The following PRKCB variants were observed in gnomAD, a reference collection of about 807,000 sequenced individuals.
PRKCB encodes the protein protein kinase C beta.
Under a neutral mutation model 81.5 loss-of-function variants are expected in PRKCB, and 13 were observed. The observed-to-expected ratio is 0.16, with a 90% CI of 0.10 to 0.25. PRKCB has a LOEUF of 0.25. Among genes scored for constraint, PRKCB ranks in the 10% least tolerant of loss-of-function variants. The pLI is 1.00. For missense variants in PRKCB, 509 were observed against 875.7 expected (o/e 0.58, Z 5.29); for synonymous variants, 335 against 321.4 (o/e 1.04, Z -0.45).
chr16:24,211,959 C>A (rs1367241851), intron 16 of PRKCB, among the ~76,000 whole-genome samples: 1 of 152,172 alleles, frequency 6.6e-6, no homozygotes, highest in Non-Finnish European at 1.5e-5. Flanking sequence ...CTTCCCTCAA[C>A]AAAAAGGCTT....
At chr16:24,056,297 C>A (rs1322533184) in intron 5 of PRKCB, among the ~76,000 whole-genome samples, 1 of 152,216 alleles carries the variant, frequency 6.6e-6, no homozygotes, top group African/African-American at 2.4e-5. Context: ...CTGCCTGTCA[C>A]TAGTTCAAGA....
intron 2 of PRKCB, among the ~76,000 whole-genome samples, chr16:23,908,705 T>A (rs1963604686): frequency 6.7e-6 from 1 of 149,490 alleles, no homozygotes; most frequent in South Asian, 2.1e-4. Context: ...TTTTTTTTTG[T>A]ATTTTTAGTA....
At chr16:24,187,239 G>T (rs1967716845) in intron 15 of PRKCB, among the ~76,000 whole-genome samples, 1 of 152,222 alleles carries the variant, frequency 6.6e-6, no homozygotes, top group Non-Finnish European at 1.5e-5. Context: ...CAGCTGGATT[G>T]GAAACCATGG....
At chr16:24,210,275 G>A (rs1322954849) in intron 16 of PRKCB, among the ~76,000 whole-genome samples, 1 of 152,090 alleles carries the variant, frequency 6.6e-6, no homozygotes, top group African/African-American at 2.4e-5. Context: ...TGGCCCCTTG[G>A]TCACTCTGCT....
Position 24,092,700 on chromosome 16 carries a change from A to C in PRKCB, c.530-91A>C, listed in dbSNP as rs963581334. On this transcript the variant is annotated intron_variant, in intron 5 of 16. Transcript: ENST00000643927. ...TTTCTCACTAAACAAGTGTGATGCC[A>C]AAGAACCTTCCACAAGTTCTGCAGC... 2.3e-6 allele frequency: 3 copies of C among 1,302,358 alleles called. No individual in the cohort carries two copies. The African/African-American group carries it at 4.4e-5, about 19-fold the overall frequency. 80.7% of individuals were successfully genotyped at this position (1,302,358 alleles called of 1,614,324 possible).
At position 23,861,880 on chromosome 16, in the gene PRKCB, C is replaced by T. The variant is rs116795551; in HGVS notation, c.205+24474C>T. ...TTCACTAATCTTGATATAGCTCTAT[C>T]TCTTGAAATTTTGTTTTGTTAGATA... On this transcript the variant is annotated intron_variant, in intron 2 of 16. Transcript: ENST00000643927. 3.9e-3 allele frequency among the ~76,000 whole-genome samples: 595 copies of T among 152,286 alleles called. 4 individuals are homozygous for T. The highest frequency in any genetic ancestry group is 0.013 in the African/African-American group (545 of 41,544).
rs148852409 is a variant in PRKCB, at chr16:23,942,341, T to C, written c.206-46167T>C. On this transcript the variant is annotated intron_variant, in intron 2 of 16. Coordinates refer to ENST00000643927, the MANE Select transcript of PRKCB (RefSeq NM_002738.7). ...TTGGCATGCCAGATCCCCATGGCGT[T>C]GGAGCATACCAAAGTGATAGAGCGT... Among the ~76,000 whole-genome samples the C allele has an allele frequency of 2.0e-5, 3 of 152,356 alleles. No individual in the cohort carries two copies. In the East Asian group the frequency reaches 5.8e-4, roughly 29 times the overall value.
chr16:24,158,535 TGTATAA>T (rs58523666), intron 10 of PRKCB, among the ~76,000 whole-genome samples: 9,931 of 61,538 alleles, frequency 0.16, 416 homozygotes, highest in Middle Eastern at 0.19. Context: ...AACATGTATA[TGTATAA>T]GTATATGTAT....
chr16:23,911,025 A>G (rs753512028), intron 2 of PRKCB, among the ~76,000 whole-genome samples: 1 of 149,644 alleles, frequency 6.7e-6, no homozygotes, highest in Non-Finnish European at 1.5e-5. Context: ...ATCACTTTCC[A>G]TTGGGTGGAT....
At chr16:24,009,491 C>T (rs149366606) in intron 3 of PRKCB, among the ~76,000 whole-genome samples, 2,573 of 148,450 alleles carry the variant, frequency 0.017, 37 homozygotes, top group Non-Finnish European at 0.024. Context: ...ATGGCGTGAT[C>T]CTGGCTCACT....
chr16:23,845,041 A>G (rs750157249), intron 2 of PRKCB, among the ~76,000 whole-genome samples: 1 of 152,128 alleles, frequency 6.6e-6, no homozygotes, highest in East Asian at 1.9e-4. Context: ...ACCTCAAGTG[A>G]TCTGCCCACC....
At chr16:23,858,718 A>G (rs1174453060) in intron 2 of PRKCB, among the ~76,000 whole-genome samples, 1 of 152,156 alleles carries the variant, frequency 6.6e-6, no homozygotes, top group Non-Finnish European at 1.5e-5. Context: ...GCTGAGAACT[A>G]TGCAAGCTGT....
At chr16:24,051,412 A>G (rs951232739) in intron 5 of PRKCB, among the ~76,000 whole-genome samples, 1 of 152,160 alleles carries the variant, frequency 6.6e-6, no homozygotes, top group African/African-American at 2.4e-5. Flanking sequence ...CCCAGAGTGT[A>G]AGAGCCCCAT....
intron 5 of PRKCB, among the ~76,000 whole-genome samples, chr16:24,071,807 G>A (rs1437754038): frequency 6.6e-6 from 1 of 152,132 alleles, no homozygotes; most frequent in East Asian, 1.9e-4. Flanking sequence ...GTGCAGGAAA[G>A]GCTGAAAGTT....
At chr16:23,938,794 TA>T (rs1964098249) in intron 2 of PRKCB, among the ~76,000 whole-genome samples, 2 of 152,312 alleles carry the variant, frequency 1.3e-5, no homozygotes, top group Middle Eastern at 6.8e-3. Context: ...GACTTAAATA[TA>T]AAATACTTTC....
At chr16:23,909,024 T>C (rs1177636031) in intron 2 of PRKCB, among the ~76,000 whole-genome samples, 1 of 152,116 alleles carries the variant, frequency 6.6e-6, no homozygotes, top group Non-Finnish European at 1.5e-5. Context: ...AGGCAGGGGT[T>C]TGTTTTGTTT....
intron 2 of PRKCB, among the ~76,000 whole-genome samples, chr16:23,972,847 T>C (rs1964575853): frequency 6.6e-6 from 1 of 152,174 alleles, no homozygotes; most frequent in Non-Finnish European, 1.5e-5. Context: ...GAACAAAACA[T>C]ATGGCTCCTC....
intron 16 of PRKCB, among the ~76,000 whole-genome samples, chr16:24,203,742 C>G (rs921701092): frequency 2.6e-5 from 4 of 152,192 alleles, no homozygotes; most frequent in East Asian, 1.9e-4. Context: ...CACAAAATGC[C>G]CCCCCAAATG....
intron 9 of PRKCB, among the ~76,000 whole-genome samples, chr16:24,134,175 G>A (rs112091958): frequency 0.018 from 2,745 of 152,246 alleles, 88 homozygotes; most frequent in African/African-American, 0.062. Flanking sequence ...TAGGATTATA[G>A]GAGTGAACCA....
Sources: gnomAD v4.1 joint callset for allele counts (sites outside exome capture counted in the v4.1 genomes callset) on GRCh38, gnomAD v4.1.1 for gene constraint, MANE v1.5 for transcripts, NCBI Gene and HGNC (gene_info 2026-07-23, HGNC 2026-07-21) for gene names.